Variants in ATXN1 observed in about 807,000 individuals in gnomAD.
ATXN1 encodes the protein ataxin-1.
Under a neutral mutation model 56.4 loss-of-function variants are expected in ATXN1, and 8 were observed. The observed-to-expected ratio is 0.14, with a 90% CI of 0.08 to 0.26. The LOEUF is 0.26. Among genes scored for constraint, ATXN1 ranks in the 10% least tolerant of loss-of-function variants. ATXN1 has a pLI of 1.00. For missense variants in ATXN1, 987 were observed against 1,106.5 expected (o/e 0.89, Z 1.53); for synonymous variants, 514 against 494.6 (o/e 1.04, Z -0.52).
intron 5 of ATXN1, among the ~76,000 whole-genome samples, chr6:16,490,151 AC>A (rs1426097295): frequency 1.5e-4 from 21 of 138,440 alleles, no homozygotes; most frequent in Non-Finnish European, 3.0e-4. Context: ...AAAAAAAAAA[AC>A]CAAAAACCAA....
chr6:16,689,264 GT>G (rs1291070393), intron 2 of ATXN1, among the ~76,000 whole-genome samples: 1 of 152,080 alleles, frequency 6.6e-6, no homozygotes, highest in Non-Finnish European at 1.5e-5. Flanking sequence ...ATGGGAAGGA[GT>G]GGGAAAGAAG....
At chr6:16,621,312 T>C (rs1299477312) in intron 3 of ATXN1, among the ~76,000 whole-genome samples, 9 of 152,250 alleles carry the variant, frequency 5.9e-5, no homozygotes, top group South Asian at 2.1e-4. Context: ...GGCAAGGGCG[T>C]TAGCTGCAAG....
At chr6:16,493,282 T>C (rs1341946330) in intron 5 of ATXN1, among the ~76,000 whole-genome samples, 1 of 152,100 alleles carries the variant, frequency 6.6e-6, no homozygotes, top group East Asian at 1.9e-4. Flanking sequence ...ACTTCTCCCC[T>C]CATGCACACT....
intron 2 of ATXN1, among the ~76,000 whole-genome samples, chr6:16,751,752 T>C (rs1443374373): frequency 6.6e-6 from 1 of 152,248 alleles, no homozygotes; most frequent in Non-Finnish European, 1.5e-5. Context: ...TACATATTTC[T>C]AGTCATGTAT....
At position 16,760,207 on chromosome 6, in the gene ATXN1, G is replaced by A. The variant is rs1761037219; in HGVS notation, c.-730+1091C>T. On this transcript the variant is annotated intron_variant, in intron 1 of 7. Transcript: ENST00000436367. This position sits in a 1 kb window ranked among gnomAD's most constrained non-coding sequence, Gnocchi z 5.3. ...AGTGAACGAGCAGTGGGGCTCCAGGGCGCATCCCAATCCCCGCAGCGCCTC... is the reference window on the plus strand; with the variant it reads ...AGTGAACGAGCAGTGGGGCTCCAGGACGCATCCCAATCCCCGCAGCGCCTC... Among the ~76,000 whole-genome samples the A allele has an allele frequency of 1.3e-5, 2 of 152,040 alleles. No homozygotes were observed. The highest frequency in any genetic ancestry group is 2.4e-5 in the African/African-American group (1 of 41,480).
chr6:16,520,877 A>C (rs1761274250), intron 5 of ATXN1, among the ~76,000 whole-genome samples: 1 of 152,232 alleles, frequency 6.6e-6, no homozygotes, highest in African/African-American at 2.4e-5. Flanking sequence ...CATTCCATTC[A>C]GTATGTTGGT....
chr6:16,430,957 T>G (rs180869174), intron 6 of ATXN1, among the ~76,000 whole-genome samples: 1 of 152,152 alleles, frequency 6.6e-6, no homozygotes, highest in Non-Finnish European at 1.5e-5. Context: ...GCATTTGAGA[T>G]TTTTTTGTTG....
intron 2 of ATXN1, among the ~76,000 whole-genome samples, chr6:16,659,826 T>C (rs1303345971): frequency 6.6e-6 from 1 of 152,214 alleles, no homozygotes; most frequent in Non-Finnish European, 1.5e-5. Context: ...TTTTCAACTA[T>C]CTTGCAGCAA....
At chr6:16,449,849 C>T (rs973855169) in intron 6 of ATXN1, among the ~76,000 whole-genome samples, 1 of 152,132 alleles carries the variant, frequency 6.6e-6, no homozygotes, top group Non-Finnish European at 1.5e-5. Context: ...TGCACAACAA[C>T]ATAAAAAATA....
Position 16,662,633 on chromosome 6 carries a change from C to T in ATXN1, c.-614-4732G>A, listed in dbSNP as rs990540741. Among the ~76,000 whole-genome samples the T allele has an allele frequency of 3.3e-5, 5 of 152,188 alleles. No homozygotes were observed. In the East Asian group the frequency reaches 9.7e-4, roughly 29 times the overall value. On this transcript the variant is annotated intron_variant, in intron 2 of 7. Coordinates refer to ENST00000436367, the MANE Select transcript of ATXN1 (RefSeq NM_001128164.2). Reference sequence around the variant, plus strand: ...ACAGGCGTGGGCCACTGCACCCGGCCATTCATCAGGCTTCTTAACCTGCCA... The same window carrying T: ...ACAGGCGTGGGCCACTGCACCCGGCTATTCATCAGGCTTCTTAACCTGCCA...
chr6:16,483,339 A>G (rs984431221), intron 6 of ATXN1, among the ~76,000 whole-genome samples: 4 of 152,212 alleles, frequency 2.6e-5, no homozygotes, highest in Non-Finnish European at 5.9e-5. Flanking sequence ...ACCCACTCCT[A>G]GACCCTGTTT....
At chr6:16,720,844 A>G (rs1047627258) in intron 2 of ATXN1, among the ~76,000 whole-genome samples, 2 of 152,246 alleles carry the variant, frequency 1.3e-5, no homozygotes, top group Admixed American at 6.5e-5. Flanking sequence ...GGCTGCTATG[A>G]GAACCCATTG....
At chr6:16,737,132 A>G (rs1045866958) in intron 2 of ATXN1, 2 of 152,226 alleles carry the variant, frequency 1.3e-5, no homozygotes, top group Non-Finnish European at 2.9e-5. Context: ...TGCTATTTAA[A>G]TATCGTGAAA....
chr6:16,419,775 G>T (rs1348156058), intron 6 of ATXN1, among the ~76,000 whole-genome samples: 1 of 152,186 alleles, frequency 6.6e-6, no homozygotes, highest in Non-Finnish European at 1.5e-5. Flanking sequence ...GTGTGGTGAG[G>T]CTGGAGGGGA....
chr6:16,661,273 T>C (rs1008537593), intron 2 of ATXN1, among the ~76,000 whole-genome samples: 8 of 152,060 alleles, frequency 5.3e-5, no homozygotes, highest in African/African-American at 1.9e-4. Context: ...TTTATACAAA[T>C]ATACATATAT....
At chr6:16,629,187 T>A (rs1288401541) in intron 3 of ATXN1, among the ~76,000 whole-genome samples, 2 of 152,196 alleles carry the variant, frequency 1.3e-5, no homozygotes, top group African/African-American at 4.8e-5. Context: ...TGAGATAGTA[T>A]CTCATTGTGC....
chr6:16,701,019 G>A (rs1392004149), intron 2 of ATXN1, among the ~76,000 whole-genome samples: 1 of 151,848 alleles, frequency 6.6e-6, no homozygotes, highest in African/African-American at 2.4e-5. Context: ...TCCTGGGTAT[G>A]GTAATATCTG....
At position 16,760,881 on chromosome 6, in the gene ATXN1, C is replaced by G. The variant is rs1460187853; in HGVS notation, c.-730+417G>C. ...ATGGCTCTCCGCACTTGCGACCGGA[C>G]CAGCAGCCGGGGGAGCGGGGCGCCG... On this transcript the variant is annotated intron_variant, in intron 1 of 7. Transcript: ENST00000436367. This position sits in a 1 kb window ranked among gnomAD's most constrained non-coding sequence, Gnocchi z 5.3. 1.3e-5 allele frequency among the ~76,000 whole-genome samples: 2 copies of G among 148,680 alleles called. No homozygotes were observed. Among genetic ancestry groups the G allele is most frequent in the Non-Finnish European group, 3.0e-5 (2 of 66,620 alleles).
intron 3 of ATXN1, among the ~76,000 whole-genome samples, chr6:16,638,960 G>C (rs961007710): frequency 6.6e-6 from 1 of 152,196 alleles, no homozygotes; most frequent in Non-Finnish European, 1.5e-5. Context: ...TTCTTGGGTC[G>C]AGTGGGGACT....
Sources: gnomAD v4.1 joint callset for allele counts (sites outside exome capture counted in the v4.1 genomes callset) on GRCh38, gnomAD v4.1.1 for gene constraint, Gnocchi (gnomAD v3.1) non-coding constraint, MANE v1.5 for transcripts, NCBI Gene and HGNC (gene_info 2026-07-23, HGNC 2026-07-21) for gene names.